The following GABRB3 variants were observed in gnomAD, a reference collection of about 807,000 sequenced individuals.
GABRB3 encodes the protein gamma-aminobutyric acid receptor subunit beta-3.
GABRB3 carries 14 observed loss-of-function variants against 52.1 expected under a neutral mutation model. The ratio of observed to expected loss-of-function variants is 0.27; its 90% CI spans 0.18 to 0.42. GABRB3 has a LOEUF of 0.42. Among genes scored for constraint, GABRB3 ranks in the 10% least tolerant of loss-of-function variants. The probability of loss-of-function intolerance (pLI) is 1.00; values close to 1 mark genes in which losing one functional copy is unlikely to be tolerated. For missense variants in GABRB3, 307 were observed against 609.1 expected, an observed-to-expected ratio of 0.50 and a Z score of 5.22; for synonymous variants, 260 against 232.3, an observed-to-expected ratio of 1.12 and a Z score of -1.08.
intron 3 of GABRB3, among the ~76,000 whole-genome samples, chr15:26,716,393 T>C (rs1889468301): frequency 6.6e-6 from 1 of 152,162 alleles, no homozygotes; most frequent in Admixed American, 6.5e-5. Context: ...TCTCAGCCCT[T>C]TGTGTCATAC....
intron 3 of GABRB3, among the ~76,000 whole-genome samples, chr15:26,645,600 C>T (rs1432438524): frequency 6.6e-6 from 1 of 152,168 alleles, no homozygotes; most frequent in East Asian, 1.9e-4. Flanking sequence ...ATGGTGGAGT[C>T]CAACTTGTCT....
rs2140638663 is a variant in GABRB3, at chr15:26,545,140, T to TA, written c.*2652dup. ...TCTGAAATGGAGTAAAGCAAACACA[T>TA]ACCCAAGGATCTTAAAAAGTTTTTT... is the stretch of plus-strand genomic sequence containing the variant. On this transcript the variant is annotated 3_prime_UTR_variant, in exon 9 of 9. Transcript: ENST00000311550. 1 of 152,654 alleles carries TA rather than the reference T, an allele frequency of 6.6e-6. No homozygotes were observed. The highest frequency in any genetic ancestry group is 2.4e-5 in the African/African-American group (1 of 41,550). 9.5% of individuals were successfully genotyped at this position (152,654 alleles called of 1,614,324 possible).
At chr15:26,691,972 T>A (rs550836545) in intron 3 of GABRB3, among the ~76,000 whole-genome samples, 1 of 152,228 alleles carries the variant, frequency 6.6e-6, no homozygotes, top group Non-Finnish European at 1.5e-5. Context: ...CAGGGTCATG[T>A]GTTGGTTCAA....
At chr15:26,739,330 T>C (rs987174431) in intron 3 of GABRB3, among the ~76,000 whole-genome samples, 87 of 152,090 alleles carry the variant, frequency 5.7e-4, no homozygotes, top group African/African-American at 2.0e-3. Flanking sequence ...CGTCTCTGCT[T>C]GTTTCAGAAG....
Position 26,772,979 on chromosome 15 carries a change from G to C in GABRB3, c.-17C>G. The C allele has an allele frequency of 7.2e-7, 1 of 1,395,232 alleles. No homozygotes were observed. The highest frequency in any genetic ancestry group is 9.4e-7 in the Non-Finnish European group (1 of 1,065,452). The allele number at this position is 1,395,232 out of a possible 1,614,324, so 86.4% of individuals were successfully genotyped here. A position where few individuals can be genotyped will look rare whatever the true frequency, so the allele number is the denominator to read the frequency against. On this transcript the variant is annotated 5_prime_UTR_variant, in exon 1 of 9. Coordinates refer to ENST00000311550, the MANE Select transcript of GABRB3 (RefSeq NM_000814.6). Reference sequence around the variant, plus strand: ...GCCCCACATCCCTCCGCCGCGCCCCGGCACGGGGGAGGGGGCGCCCCGCCG... The same window carrying C: ...GCCCCACATCCCTCCGCCGCGCCCCCGCACGGGGGAGGGGGCGCCCCGCCG...
In GABRB3 at chr15:26,648,018, C is replaced by T. The variant is rs150641016; in HGVS notation, c.241-26484G>A. Among the ~76,000 whole-genome samples the T allele has an allele frequency of 6.4e-4, 98 of 152,322 alleles. 1 individual carries two copies. The highest frequency in any genetic ancestry group is 3.3e-3 in the South Asian group (16 of 4,830). Reference sequence around the variant, plus strand: ...CATCTAACAAGATTTACCAGCCTAACCATCTGTAAGTGTTCAGTTCAGCAG... The same window carrying T: ...CATCTAACAAGATTTACCAGCCTAATCATCTGTAAGTGTTCAGTTCAGCAG... On this transcript the variant is annotated intron_variant, in intron 3 of 8. Coordinates refer to ENST00000311550, the MANE Select transcript of GABRB3 (RefSeq NM_000814.6).
At chr15:26,687,719 T>G (rs1047623068) in intron 3 of GABRB3, among the ~76,000 whole-genome samples, 1 of 152,240 alleles carries the variant, frequency 6.6e-6, no homozygotes, top group Admixed American at 6.5e-5. Context: ...GGTCTTGCAT[T>G]TTCCACACCG....
At chr15:26,737,929 T>G (rs920060231) in intron 3 of GABRB3, among the ~76,000 whole-genome samples, 2 of 152,226 alleles carry the variant, frequency 1.3e-5, no homozygotes, top group African/African-American at 4.8e-5. Context: ...TTCTCCTTTC[T>G]TGCTACTAAA....
At chr15:26,651,901 C>G (rs549723111) in intron 3 of GABRB3, among the ~76,000 whole-genome samples, 56 of 152,324 alleles carry the variant, frequency 3.7e-4, no homozygotes, top group Admixed American at 1.0e-3. Context: ...ACAAAGCCAC[C>G]TTTTGTGGGG....
At chr15:26,731,290 T>C (rs954292405) in intron 3 of GABRB3, among the ~76,000 whole-genome samples, 4 of 152,200 alleles carry the variant, frequency 2.6e-5, no homozygotes, top group Non-Finnish European at 5.9e-5. Context: ...CTTACTACAA[T>C]GAGCATTTTA....
At chr15:26,692,736 A>G (rs1362829408) in intron 3 of GABRB3, among the ~76,000 whole-genome samples, 1 of 152,186 alleles carries the variant, frequency 6.6e-6, no homozygotes, top group Admixed American at 6.6e-5. Context: ...GAAGGCAGAG[A>G]AAAAAATCTT....
rs57144395 is a variant in GABRB3 at position 26,643,622 on chromosome 15, CTGTGTG to C, written c.241-22094_241-22089del. The stretch of plus-strand genomic sequence containing the variant: ...AACATGCACCCCAGCTTTCATGACA[CTGTGTG>C]TGTGTGTGTGTGTGTGTGTGGGTTC... On this transcript the variant is annotated intron_variant, in intron 3 of 8. Transcript: ENST00000311550. Among the ~76,000 whole-genome samples the C allele has an allele frequency of 9.9e-3, 1,480 of 149,602 alleles. 20 individuals are homozygous for C. Among genetic ancestry groups the C allele is most frequent in the African/African-American group, 0.033 (1,335 of 40,792 alleles).
At chr15:26,557,274 G>A (rs1889788611) in intron 8 of GABRB3, among the ~76,000 whole-genome samples, 1 of 152,182 alleles carries the variant, frequency 6.6e-6, no homozygotes, top group Admixed American at 6.5e-5. Context: ...GGGACCCCTT[G>A]AGTGTGAAGG....
chr15:26,565,550 A>G (rs1595444177), intron 7 of GABRB3, among the ~76,000 whole-genome samples: 1 of 152,308 alleles, frequency 6.6e-6, no homozygotes, highest in East Asian at 1.9e-4. Flanking sequence ...ACAGAGGCAC[A>G]GTTTGTTTAT....
chr15:26,728,143 G>A (rs191007378), intron 3 of GABRB3, among the ~76,000 whole-genome samples: 13 of 152,280 alleles, frequency 8.5e-5, no homozygotes, highest in Admixed American at 7.8e-4. Context: ...TTCCTCCAGG[G>A]AAACAACTGA....
At chr15:26,764,892 A>G (rs1890953574) in intron 3 of GABRB3, among the ~76,000 whole-genome samples, 1 of 152,150 alleles carries the variant, frequency 6.6e-6, no homozygotes, top group Admixed American at 6.5e-5. Context: ...GCACTTTGGG[A>G]GGCCGAGGCA....
intron 3 of GABRB3, chr15:26,767,130 T>C (rs1231688536): frequency 1.3e-5 from 2 of 152,178 alleles, no homozygotes; most frequent in East Asian, 3.9e-4. Flanking sequence ...TGAAAAGTAA[T>C]GTGCTCAATA....
At position 26,662,102 on chromosome 15, in the gene GABRB3, C is replaced by T. The variant is rs544740567; in HGVS notation, c.241-40568G>A. On this transcript the variant is annotated intron_variant, in intron 3 of 8. Coordinates refer to ENST00000311550, the MANE Select transcript of GABRB3 (RefSeq NM_000814.6). ...TCAAAACACAATCCCTTTGAATGAA[C>T]GGAGGCTTTGGAACCTGTGCAGTGC... 1.2e-4 allele frequency among the ~76,000 whole-genome samples: 18 copies of T among 152,254 alleles called. No homozygotes were observed. In the South Asian group the frequency reaches 3.1e-3, roughly 26 times the overall value.
chr15:26,611,853 A>G (rs968531158), intron 4 of GABRB3: 1 of 152,232 alleles, frequency 6.6e-6, no homozygotes, highest in Non-Finnish European at 1.5e-5. Flanking sequence ...TTGTAATGAA[A>G]CACATTGGCA....
Sources: allele counts gnomAD v4.1 joint callset (sites outside exome capture counted in the v4.1 genomes callset), GRCh38; gene constraint gnomAD v4.1.1; transcripts MANE v1.5; gene names NCBI Gene and HGNC (gene_info 2026-07-23, HGNC 2026-07-21).